KDR: variants seen among roughly 807,000 people sequenced by gnomAD.
KDR encodes kinase insert domain receptor.
A neutral mutation model predicts 160.9 loss-of-function variants in KDR; 43 were observed. The ratio of observed to expected loss-of-function variants is 0.27; its 90% CI spans 0.21 to 0.34. KDR has a LOEUF of 0.34. KDR is among the 10% of genes least tolerant of loss of function. The probability of loss-of-function intolerance (pLI) is 1.00; values close to 1 mark genes in which losing one functional copy is unlikely to be tolerated. For synonymous variants in KDR, 617 were observed against 600.1 expected, an observed-to-expected ratio of 1.03 and a Z score of -0.41; for missense variants, 1,469 against 1,666.4, an observed-to-expected ratio of 0.88 and a Z score of 2.06.
intron 11 of KDR, among the ~76,000 whole-genome samples, chr4:55,106,232 C>T (rs981756672): frequency 9.2e-5 from 14 of 152,064 alleles, no homozygotes; most frequent in Admixed American, 8.5e-4. Context: ...CTCCAACGAG[C>T]GTTTCCTTTG....
chr4:55,099,720 A>G lies in KDR; in HGVS notation c.2267-917T>C, dbSNP rs1478110442. On this transcript the variant is annotated intron_variant, in intron 15 of 29. Transcript: ENST00000263923. ...CTCCTCAACAACTCTCAGTTTTCAG[A>G]TGAAGAAACAGAAGACCAGAGAGCT... Among the ~76,000 whole-genome samples the G allele has an allele frequency of 3.3e-5, 5 of 152,316 alleles. No homozygotes were observed. In the East Asian group the frequency reaches 9.7e-4, roughly 29 times the overall value.
chr4:55,093,433 G>A (rs549160798), intron 21 of KDR, among the ~76,000 whole-genome samples: 11 of 152,152 alleles, frequency 7.2e-5, no homozygotes, highest in Non-Finnish European at 1.5e-4. Context: ...ACAAATACCA[G>A]AGTAAACAAA....
At position 55,125,388 on chromosome 4, in the gene KDR, C is replaced by G. The variant is rs1721006416; in HGVS notation, c.-95G>C. On this transcript the variant is annotated 5_prime_UTR_variant, in exon 1 of 30. Transcript: ENST00000263923. Reference sequence around the variant, plus strand: ...GAAGGAGGCGCGGAGGTGGAACTCGCGGCACCCCGCAGCGCAGGACAGTTG... The same window carrying G: ...GAAGGAGGCGCGGAGGTGGAACTCGGGGCACCCCGCAGCGCAGGACAGTTG... 8 of 1,440,234 alleles carry G rather than the reference C, an allele frequency of 5.6e-6. No individual in the cohort carries two copies. Among genetic ancestry groups the G allele is most frequent in the Non-Finnish European group, 6.6e-6 (7 of 1,056,266 alleles). 89.2% of individuals were successfully genotyped at this position (1,440,234 alleles called of 1,614,324 possible). A position where few individuals can be genotyped will look rare whatever the true frequency, so the allele number is the denominator to read the frequency against.
chr4:55,121,595 G>A (rs1412275978), intron 1 of KDR, among the ~76,000 whole-genome samples: 4 of 152,186 alleles, frequency 2.6e-5, no homozygotes, highest in Non-Finnish European at 4.4e-5. Flanking sequence ...GCTGATTAAC[G>A]AATCCCACTT....
intron 9 of KDR, among the ~76,000 whole-genome samples, chr4:55,108,171 G>A (rs1403297823): frequency 6.8e-6 from 1 of 147,690 alleles, no homozygotes; most frequent in African/African-American, 2.5e-5. Context: ...GACCAGCCTG[G>A]GCCACATGGT....
chr4:55,089,491 G>T lies in KDR; in HGVS notation c.3305-18C>A. On this transcript the variant is annotated intron_variant, in intron 24 of 29. Coordinates refer to ENST00000263923, the MANE Select transcript of KDR (RefSeq NM_002253.4). ...AGAAGCACCTAGAATAAAACAGGGAGGAGACATTCTTTGATTTGATTTTCT... is the reference window on the plus strand; with the variant it reads ...AGAAGCACCTAGAATAAAACAGGGATGAGACATTCTTTGATTTGATTTTCT... The T allele has an allele frequency of 6.4e-7, 1 of 1,570,278 alleles. No homozygotes were observed.
intron 3 of KDR, among the ~76,000 whole-genome samples, chr4:55,116,536 C>T (rs1720740255): frequency 6.6e-6 from 1 of 151,980 alleles, no homozygotes; most frequent in South Asian, 2.1e-4. Flanking sequence ...TGGAGTCATG[C>T]TTGAAATCTC....
chr4:55,125,227 C>T lies in KDR; in HGVS notation c.67G>A (p.Gly23Ser), dbSNP rs1170484244. The T allele has an allele frequency of 1.2e-6, 2 of 1,612,264 alleles. No homozygotes were observed. Among genetic ancestry groups the T allele is most frequent in the Non-Finnish European group, 1.7e-6 (2 of 1,179,442 alleles). Residue 23 changes from glycine (G) to serine (S), a missense_variant and splice_region_variant, in exon 1 of 30, where the codon GGT becomes AGT. Around this residue, in one of 7 missense-constraint regions of KDR, gnomAD observed 792 missense variants for 840.9 expected, o/e 0.94. Transcript: ENST00000263923. Reference sequence around the variant, plus strand: ...TCCTCCTCCAGAGTGGGCTCCTTACCCACAGAGGCGGCCCGGGTCTCCACG... The same window carrying T: ...TCCTCCTCCAGAGTGGGCTCCTTACTCACAGAGGCGGCCCGGGTCTCCACG... Reference protein sequence around the residue: ...LCVETRAASVGLPSVSLDLPR... With the variant: ...LCVETRAASVSLPSVSLDLPR...
intron 5 of KDR, among the ~76,000 whole-genome samples, chr4:55,114,504 G>T (rs1355934595): frequency 6.6e-6 from 1 of 152,288 alleles, no homozygotes; most frequent in South Asian, 2.1e-4. Flanking sequence ...ACTTTCAGTG[G>T]TCAGTAGCCC....
intron 18 of KDR, 192 bp from the exon 19 acceptor site, chr4:55,096,534 T>C (rs1381496937): frequency 1.7e-6 from 1 of 586,076 alleles, no homozygotes; most frequent in African/African-American, 1.9e-5. Flanking sequence ...ATAAAATTCA[T>C]ATTTTAAGTG....
At position 55,080,163 on chromosome 4, in the gene KDR, A is replaced by C. The variant is rs139803589; in HGVS notation, c.3849T>G (p.Gly1283=). ...CCCTGCTTTTGCTGGGCACCATTCC[A>C]CTGCAGAAGAAATGGCAAACAAAGG... ...EDRTKLSPSF[G]GMVPSKSRES... Residue 1283 remains glycine (G), a splice_region_variant and synonymous_variant, in exon 30 of 30, where the codon GGT becomes GGG. Coordinates refer to ENST00000263923, the MANE Select transcript of KDR (RefSeq NM_002253.4). 1 of 1,612,746 alleles carries C rather than the reference A, an allele frequency of 6.2e-7. No individual in the cohort carries two copies. The highest frequency in any genetic ancestry group is 1.3e-5 in the African/African-American group (1 of 74,984).
intron 21 of KDR, among the ~76,000 whole-genome samples, chr4:55,093,234 G>A (rs1720063605): frequency 1.3e-5 from 2 of 152,160 alleles, no homozygotes; most frequent in Admixed American, 1.3e-4. Flanking sequence ...AAAAAGTGCT[G>A]TAAATACATT....
chr4:55,080,097 G>T lies in KDR; in HGVS notation c.3915C>A (p.Tyr1305Ter). ...ASEGSNQTSG[Y>*]QSGYHSDDTD... ...TGTCATCGGAGTGATATCCGGACTG[G>T]TAGCCGCTTGTCTGGTTTGAGCCTT... The change falls in exon 30 of 30, where the codon TAC becomes TAA. Residue 1305 changes from tyrosine to a stop codon, truncating the protein, a stop_gained. Coordinates refer to ENST00000263923, the MANE Select transcript of KDR (RefSeq NM_002253.4). LOFTEE classifies it high-confidence loss of function. The T allele has an allele frequency of 6.2e-7, 1 of 1,614,098 alleles. No individual in the cohort carries two copies. The highest frequency in any genetic ancestry group is 8.5e-7 in the Non-Finnish European group (1 of 1,180,034).
chr4:55,121,165 C>T lies in KDR; in HGVS notation c.93G>A (p.Leu31=), dbSNP rs745352790. The change falls in exon 2 of 30, where the codon CTG becomes CTA. Residue 31 remains leucine, a synonymous_variant. Coordinates refer to ENST00000263923, the MANE Select transcript of KDR (RefSeq NM_002253.4). ...SVGLPSVSLD[L]PRLSIQKDIL... ...TGTCTTTTTGTATGCTGAGCCTGGGCAGATCAAGAGAAACACTAGGCAAAC... is the reference window on the plus strand; with the variant it reads ...TGTCTTTTTGTATGCTGAGCCTGGGTAGATCAAGAGAAACACTAGGCAAAC... 6 of 1,613,454 alleles carry T rather than the reference C, an allele frequency of 3.7e-6. No individual in the cohort carries two copies. The highest frequency in any genetic ancestry group is 1.1e-5 in the South Asian group (1 of 91,052).
chr4:55,082,089 G>T (rs1392284559), intron 28 of KDR, 48 bp from the exon 29 acceptor site: 2 of 1,246,904 alleles, frequency 1.6e-6, no homozygotes, highest in African/African-American at 1.5e-5. Context: ...CATATAAAAT[G>T]ACCAACTATT....
At chr4:55,118,320 A>G (rs1331463501) in intron 3 of KDR, among the ~76,000 whole-genome samples, 1 of 152,166 alleles carries the variant, frequency 6.6e-6, no homozygotes, top group Non-Finnish European at 1.5e-5. Context: ...CAAACATAGG[A>G]AGACTTTTTA....
At chr4:55,110,794 G>T (rs1578137353) in intron 7 of KDR, 26 bp from the exon 8 acceptor site, 1 of 1,028,682 alleles carries the variant, frequency 9.7e-7, no homozygotes, top group Non-Finnish European at 1.5e-6. Flanking sequence ...AAAAAAAAAA[G>T]GTCAACTTAC....
chr4:55,119,811 AT>A (rs1720822500), intron 2 of KDR, among the ~76,000 whole-genome samples: 1 of 152,222 alleles, frequency 6.6e-6, no homozygotes, highest in Non-Finnish European at 1.5e-5. Flanking sequence ...GTACTGCAGC[AT>A]TTCTCTACAA....
At position 55,118,704 on chromosome 4, in the gene KDR, C is replaced by T. The variant is rs146012303; in HGVS notation, c.258G>A (p.Lys86=). The change falls in exon 3 of 30, where the codon AAG becomes AAA. Residue 86 remains lysine, a synonymous_variant. Transcript: ENST00000263923. ...VTECSDGLFC[K]TLTIPKVIGN... ...CGATCACTTTTGGAATTGTGAGTGT[C>T]TTACAGAAGAGGCCATCGCTGCACT... 73 of 1,613,972 alleles carry T rather than the reference C, an allele frequency of 4.5e-5. No individual in the cohort carries two copies. In the African/African-American group the frequency reaches 8.0e-4, roughly 18 times the overall value.
Sources: allele counts gnomAD v4.1 joint callset (sites outside exome capture counted in the v4.1 genomes callset), GRCh38; gene constraint gnomAD v4.1.1; regional missense constraint gnomAD v4.1.1; transcripts MANE v1.5; gene names NCBI Gene and HGNC (gene_info 2026-07-23, HGNC 2026-07-21).